The following NF1 variants were observed in gnomAD, a reference collection of about 807,000 sequenced individuals.
NF1 encodes neurofibromin.
A neutral mutation model predicts 325.7 loss-of-function variants in NF1; 122 were observed. That is an observed-to-expected ratio of 0.37 (90% CI 0.32 to 0.44). The LOEUF (loss-of-function observed/expected upper bound fraction) is 0.44, where lower values mean the gene tolerates loss of function less well. Among genes scored for constraint, NF1 ranks in the 20% least tolerant of loss-of-function variants. The probability of loss-of-function intolerance (pLI) is 1.00; values close to 1 mark genes in which losing one functional copy is unlikely to be tolerated. For missense variants in NF1, 2,140 were observed against 3,415.4 expected (o/e 0.63, Z 9.31); for synonymous variants, 1,091 against 1,186.0 (o/e 0.92, Z 1.65).
intron 36 of NF1, among the ~76,000 whole-genome samples, chr17:31,273,339 A>G (rs922915433): frequency 3.9e-5 from 6 of 152,144 alleles, no homozygotes; most frequent in African/African-American, 1.4e-4. Flanking sequence ...CAACAATAAC[A>G]AACTAGAGAA....
intron 40 of NF1, 37 bp downstream of exon 40, chr17:31,335,068 T>G (rs1313037956): frequency 7.8e-6 from 12 of 1,548,318 alleles, no homozygotes; most frequent in Non-Finnish European, 1.1e-5. Flanking sequence ...TAGTATCTCC[T>G]TTGTGCACAT....
At position 31,243,067 on chromosome 17, in the gene NF1, C is replaced by T. The variant is rs568000145; in HGVS notation, c.3975-5917C>T. ...CTCTTGTACACTCATAGCGGTACCACCTTGGTGGTCTTGCATAAGATCCTG... is the reference window on the plus strand; with the variant it reads ...CTCTTGTACACTCATAGCGGTACCATCTTGGTGGTCTTGCATAAGATCCTG... On this transcript the variant is annotated intron_variant, in intron 29 of 57. Coordinates refer to ENST00000358273, the MANE Select transcript of NF1 (RefSeq NM_001042492.3). Among the ~76,000 whole-genome samples the T allele has an allele frequency of 3.9e-5, 6 of 152,260 alleles. No homozygotes were observed. In the East Asian group the frequency reaches 9.6e-4, roughly 24 times the overall value.
chr17:31,322,501 CAAAAAAAAAAAAAAAAAAAAAAAA>C (rs573045083), intron 36 of NF1, among the ~76,000 whole-genome samples: 897 of 44,896 alleles, frequency 0.02, 43 homozygotes, highest in African/African-American at 0.069. Context: ...GACTCTGTCT[CAAAAAAAAAAAAAAAAAAAAAAAA>C]AAAAAAAAAA....
chr17:31,356,236 A>C, intron 51 of NF1: 1 of 464,178 alleles, frequency 2.2e-6, no homozygotes, highest in Non-Finnish European at 4.0e-6. Context: ...TTTAATTTGC[A>C]CCAGTAAGGT....
At chr17:31,270,576 C>T (rs2067874747) in intron 36 of NF1, among the ~76,000 whole-genome samples, 1 of 152,212 alleles carries the variant, frequency 6.6e-6, no homozygotes, top group Non-Finnish European at 1.5e-5. Context: ...CACCACTGTA[C>T]TCCAGCCTGG....
At chr17:31,222,377 A>G (rs1231097114) in intron 15 of NF1, 2 of 1,035,908 alleles carry the variant, frequency 1.9e-6, no homozygotes, top group Non-Finnish European at 2.3e-6. Flanking sequence ...CTTAGAAGAA[A>G]AAAATGTATG....
chr17:31,349,192 A>G lies in NF1; in HGVS notation c.7262A>G (p.Asn2421Ser), dbSNP rs774339063. 3.1e-6 allele frequency: 5 copies of G among 1,613,630 alleles called. No individual in the cohort carries two copies. Among genetic ancestry groups the G allele is most frequent in the Non-Finnish European group, 4.2e-6 (5 of 1,179,748 alleles). The change falls in exon 49 of 58, where the codon AAC becomes AGC. Residue 2421 changes from asparagine to serine, a missense_variant. Physicochemically the swap from Asn to Ser is conservative, Grantham distance 46 (BLOSUM62 1). Coordinates refer to ENST00000358273, the MANE Select transcript of NF1 (RefSeq NM_001042492.3). ...TTACATACACTACTAACTCTGGTTA[A>G]CAAACACAGAAATTGTGACAAATTT... ...RILHTLLTLVNKHRNCDKFEV... is the reference protein window; with the variant it reads ...RILHTLLTLVSKHRNCDKFEV...
Position 31,284,582 on chromosome 17 carries a change from G to A in NF1, c.4835+19243G>A, listed in dbSNP as rs183889058. ...TTACAGGCATGAGCCACCGTGCCTG[G>A]CCTAATTTTTGTATATTTTATAGAG... On this transcript the variant is annotated intron_variant, in intron 36 of 57. Coordinates refer to ENST00000358273, the MANE Select transcript of NF1 (RefSeq NM_001042492.3). Among the ~76,000 whole-genome samples, 264 of 151,896 alleles carry A rather than the reference G, an allele frequency of 1.7e-3. 3 individuals are homozygous for A. The highest frequency in any genetic ancestry group is 6.0e-3 in the African/African-American group (249 of 41,432).
chr17:31,219,149 A>C (rs1463654595), intron 14 of NF1, 31 bp downstream of exon 14: 2 of 1,600,288 alleles, frequency 1.2e-6, no homozygotes, highest in African/African-American at 2.7e-5. Flanking sequence ...ATGTTCTTGA[A>C]GGAAAGATTG....
At chr17:31,148,659 T>G (rs1916738446) in intron 1 of NF1, among the ~76,000 whole-genome samples, 1 of 152,192 alleles carries the variant, frequency 6.6e-6, no homozygotes, top group African/African-American at 2.4e-5. Context: ...ATTTCTTTAC[T>G]TTACCATTAC....
At chr17:31,238,867 A>G (rs990707562) in intron 29 of NF1, among the ~76,000 whole-genome samples, 7 of 152,220 alleles carry the variant, frequency 4.6e-5, no homozygotes, top group Admixed American at 4.6e-4. Flanking sequence ...CCCAGGGACA[A>G]CAAAAGAGAC....
In NF1 at chr17:31,223,478, A is replaced by C. The variant is rs876659242; in HGVS notation, c.1756A>C (p.Thr586Pro). 1.2e-6 allele frequency: 2 copies of C among 1,612,946 alleles called. No individual in the cohort carries two copies. Among genetic ancestry groups the C allele is most frequent in the Non-Finnish European group, 1.7e-6 (2 of 1,179,326 alleles). ...QMLFYICKKLTSHQMLSSTEI... is the reference protein window; with the variant it reads ...QMLFYICKKLPSHQMLSSTEI... ...GCTTTTTTACATCTGCAAGAAATTA[A>C]CTAGTCATCAAATGCTTAGTAGCAC... is the stretch of plus-strand genomic sequence containing the variant. The change falls in exon 16 of 58, where the codon ACT becomes CCT. Residue 586 changes from threonine to proline, a missense_variant. By Grantham distance (38) the Thr-to-Pro change is conservative. This residue lies in a region of NF1 where 179 missense variants were observed against 381.0 expected (regional missense o/e 0.47). Coordinates refer to ENST00000358273, the MANE Select transcript of NF1 (RefSeq NM_001042492.3).
At chr17:31,338,839 T>C (rs2069747641) in intron 46 of NF1, 34 bp downstream of exon 46, 1 of 1,341,470 alleles carries the variant, frequency 7.5e-7, no homozygotes, top group Admixed American at 1.7e-5. Context: ...TGCATTCATT[T>C]TGGGTATCAG....
chr17:31,348,052 G>T (rs1031111539), intron 48 of NF1, among the ~76,000 whole-genome samples: 13 of 104,514 alleles, frequency 1.2e-4, no homozygotes, highest in African/African-American at 4.8e-4. Flanking sequence ...TTGAATGCCA[G>T]CTGTGGAGAT....
In NF1 at chr17:31,200,455, G is replaced by T; in HGVS notation, c.922G>T (p.Ala308Ser). The T allele has an allele frequency of 6.2e-7, 1 of 1,614,120 alleles. No homozygotes were observed. The change falls in exon 9 of 58, where the codon GCT (alanine) becomes TCT (serine). Residue 308 changes from alanine (A) to serine (S), a missense_variant. Coordinates refer to ENST00000358273, the MANE Select transcript of NF1 (RefSeq NM_001042492.3). ...LFLDSLRKALAGHGGSRQLTE... is the reference protein window; with the variant it reads ...LFLDSLRKALSGHGGSRQLTE... Reference sequence around the variant, plus strand: ...TCTGGACAGTCTACGAAAAGCTCTTGCTGGCCATGGAGGAAGTAGGCAGCT... The same window carrying T: ...TCTGGACAGTCTACGAAAAGCTCTTTCTGGCCATGGAGGAAGTAGGCAGCT...
At chr17:31,198,001 T>A (rs1158063491) in intron 8 of NF1, among the ~76,000 whole-genome samples, 2 of 152,232 alleles carry the variant, frequency 1.3e-5, no homozygotes, top group Admixed American at 1.3e-4. Context: ...AGTGTTTTTT[T>A]ATCATAACAG....
At chr17:31,178,065 G>A (rs923786635) in intron 5 of NF1, among the ~76,000 whole-genome samples, 3 of 152,152 alleles carry the variant, frequency 2.0e-5, no homozygotes, top group East Asian at 1.9e-4. Flanking sequence ...ACATATAATC[G>A]TCAGATTCAC....
chr17:31,125,145 A>G (rs1914771111), intron 1 of NF1, among the ~76,000 whole-genome samples: 1 of 152,086 alleles, frequency 6.6e-6, no homozygotes, highest in Non-Finnish European at 1.5e-5. Flanking sequence ...TTATGTCTCC[A>G]TGAACAATGT....
At chr17:31,279,542 T>G (rs1423344355) in intron 36 of NF1, among the ~76,000 whole-genome samples, 1 of 151,796 alleles carries the variant, frequency 6.6e-6, no homozygotes, top group Non-Finnish European at 1.5e-5. Flanking sequence ...GAGGATCGCT[T>G]GAGCTCAGAA....
Sources: gnomAD v4.1 joint callset for allele counts (sites outside exome capture counted in the v4.1 genomes callset) on GRCh38, gnomAD v4.1.1 for gene constraint, gnomAD v4.1.1 regional missense constraint, MANE v1.5 for transcripts, NCBI Gene and HGNC (gene_info 2026-07-23, HGNC 2026-07-21) for gene names.